RAB3A: variants seen among roughly 807,000 people sequenced by gnomAD.
The protein encoded by RAB3A is ras-related protein Rab-3A.
A neutral mutation model predicts 19.7 loss-of-function variants in RAB3A; 5 were observed. That is an observed-to-expected ratio of 0.25 (90% CI 0.13 to 0.53). The LOEUF (loss-of-function observed/expected upper bound fraction) is 0.53, where lower values mean the gene tolerates loss of function less well. Among genes scored for constraint, RAB3A ranks in the 20% least tolerant of loss-of-function variants. The pLI, the probability that RAB3A is intolerant of heterozygous loss-of-function variation, is 0.95. For missense variants in RAB3A, 189 were observed against 305.6 expected (o/e 0.62, Z 2.85); for synonymous variants, 119 against 122.1 (o/e 0.97, Z 0.17).
Position 18,200,318 on chromosome 19 carries a change from T to A in RAB3A, c.347+9A>T. ...AAAGAAAAAAAAAGAGCAAGTGGGG[T>A]ACACTCACCAGTCCTGCACTGCATT... On this transcript the variant is annotated intron_variant, in intron 3 of 4. Transcript: ENST00000222256. 6.3e-7 allele frequency: 1 copy of A among 1,580,610 alleles called. No homozygotes were observed. The highest frequency in any genetic ancestry group is 1.1e-5 in the South Asian group (1 of 87,086).
chr19:18,200,484 A>G (rs2147982286), intron 2 of RAB3A, 39 bp from the exon 3 acceptor site: 3 of 1,506,896 alleles, frequency 2.0e-6, no homozygotes, highest in Non-Finnish European at 2.7e-6. Context: ...GGACCTGCAC[A>G]TAAGGCCCTC....
At position 18,198,768 on chromosome 19, in the gene RAB3A, C is replaced by T. The variant is rs1400971421; in HGVS notation, c.429G>A (p.Arg143=). ...VGNKCDMEDE[R]VVSSERGRQL... The stretch of plus-strand genomic sequence containing the variant: ...GCCGGCCACGTTCTGATGACACCAC[C>T]CGCTCATCCTCCATGTCACACTTGT... The change falls in exon 4 of 5, where the codon CGG becomes CGA. Residue 143 remains arginine, a synonymous_variant. Coordinates refer to ENST00000222256, the MANE Select transcript of RAB3A (RefSeq NM_002866.5). The T allele has an allele frequency of 6.2e-7, 1 of 1,614,178 alleles. No homozygotes were observed. Among genetic ancestry groups the T allele is most frequent in the Admixed American group, 1.7e-5 (1 of 60,028 alleles).
In RAB3A at chr19:18,197,586, T is replaced by C; in HGVS notation, c.547A>G (p.Ile183Val). Residue 183 changes from isoleucine (I) to valine (V), a missense_variant, in exon 5 of 5, where the codon ATC becomes GTC. Ile to Val is a conservative substitution (Grantham distance 29). Transcript: ENST00000222256. Reference sequence around the variant, plus strand: ...AACGACTCGGACATCTTCTCGCAGATGACATCCACCAGGCGCTCAAAGGTC... The same window carrying C: ...AACGACTCGGACATCTTCTCGCAGACGACATCCACCAGGCGCTCAAAGGTC... ...KQTFERLVDV[I>V]CEKMSESLDT... 6.2e-7 allele frequency: 1 copy of C among 1,614,070 alleles called. No individual in the cohort carries two copies. The highest frequency in any genetic ancestry group is 1.1e-5 in the South Asian group (1 of 91,080).
At chr19:18,197,733 G>T in intron 4 of RAB3A, 73 bp from the exon 5 acceptor site, 1 of 1,328,260 alleles carries the variant, frequency 7.5e-7, no homozygotes. Context: ...CTTCTCTGAG[G>T]AAAGGGAACA....
rs1326785774 is a variant in RAB3A, at chr19:18,197,211, C to T, written c.*259G>A. 4.0e-5 allele frequency: 16 copies of T among 402,226 alleles called. No individual in the cohort carries two copies. Among genetic ancestry groups the T allele is most frequent in the Admixed American group, 3.2e-4 (7 of 22,050 alleles). 24.9% of individuals were successfully genotyped at this position (402,226 alleles called of 1,614,324 possible). A position where few individuals can be genotyped will look rare whatever the true frequency, so the allele number is the denominator to read the frequency against. On this transcript the variant is annotated 3_prime_UTR_variant, in exon 5 of 5. Transcript: ENST00000222256. The stretch of plus-strand genomic sequence containing the variant: ...TTCAGGAGGGTGAGCGGTGAGTTCA[C>T]GGGGCCACGAGACACCACAGCTGAG...
intron 2 of RAB3A, among the ~76,000 whole-genome samples, chr19:18,200,718 T>C (rs1967596970): frequency 6.6e-6 from 1 of 152,128 alleles, no homozygotes; most frequent in Admixed American, 6.6e-5. Context: ...GCAGGTGGCT[T>C]GAACCCAGGA....
At chr19:18,200,574 G>A (rs1427450458) in intron 2 of RAB3A, 129 bp from the exon 3 acceptor site, 1 of 703,144 alleles carries the variant, frequency 1.4e-6, no homozygotes, top group African/African-American at 1.8e-5. Flanking sequence ...CAAAGTGTCA[G>A]GAAGAGCAGG....
At chr19:18,198,065 T>C (rs1282315283) in intron 4 of RAB3A, among the ~76,000 whole-genome samples, 1 of 151,766 alleles carries the variant, frequency 6.6e-6, no homozygotes, top group African/African-American at 2.4e-5. Context: ...TTCCTAAAAT[T>C]GTGTCTCGTT....
In RAB3A at chr19:18,202,406, T is replaced by G; in HGVS notation, c.228+107A>C. The G allele has an allele frequency of 9.9e-7, 1 of 1,008,680 alleles. No individual in the cohort carries two copies. The highest frequency in any genetic ancestry group is 1.5e-6 in the Non-Finnish European group (1 of 660,428). 62.5% of individuals were successfully genotyped at this position (1,008,680 alleles called of 1,614,324 possible). A position where few individuals can be genotyped will look rare whatever the true frequency, so the allele number is the denominator to read the frequency against. ...GCACCTTACTGATAAATGCCCAGTGTGTAAGTGAATGACTCCAGTCAGGAA... is the reference window on the plus strand; with the variant it reads ...GCACCTTACTGATAAATGCCCAGTGGGTAAGTGAATGACTCCAGTCAGGAA... On this transcript the variant is annotated intron_variant, in intron 2 of 4. Transcript: ENST00000222256. The surrounding 1 kb of genome is among the most constrained non-coding windows in gnomAD (Gnocchi z 4.2).
At chr19:18,203,112 C>T (rs2147984158) in intron 1 of RAB3A, among the ~76,000 whole-genome samples, 1 of 152,300 alleles carries the variant, frequency 6.6e-6, no homozygotes, top group South Asian at 2.1e-4. Flanking sequence ...CCGCGCGGCC[C>T]CACGTGCACC....
Position 18,202,700 on chromosome 19 carries a change from G to A in RAB3A, c.41C>T (p.Ser14Phe). 6.2e-7 allele frequency: 1 copy of A among 1,614,148 alleles called. No homozygotes were observed. The highest frequency in any genetic ancestry group is 1.1e-5 in the South Asian group (1 of 91,076). The change falls in exon 2 of 5, where the codon TCC becomes TTC. Residue 14 changes from serine (S) to phenylalanine (F), a missense_variant. Physicochemically the swap from Ser to Phe is radical, Grantham distance 155. Transcript: ENST00000222256. This position sits in a 1 kb window ranked among gnomAD's most constrained non-coding sequence, Gnocchi z 4.2. The part of the protein sequence containing the change: ...ATDSRYGQKE[S>F]SDQNFDYMFK... ...CATGTAGTCGAAGTTCTGATCCGAG[G>A]ACTCCTTCTGCCCATAGCGCGAGTC...
At chr19:18,199,131 G>T (rs1379345853) in intron 3 of RAB3A, among the ~76,000 whole-genome samples, 1 of 151,916 alleles carries the variant, frequency 6.6e-6, no homozygotes, top group Non-Finnish European at 1.5e-5. Context: ...CAAAGTACTG[G>T]AATTACAGGC....
chr19:18,200,276 C>G (rs1225471228), intron 3 of RAB3A, 51 bp downstream of exon 3: 1 of 1,462,046 alleles, frequency 6.8e-7, no homozygotes, highest in Middle Eastern at 1.8e-4. Context: ...GAATAAAACC[C>G]TCTCTCAAAG....
chr19:18,202,572 T>C lies in RAB3A; in HGVS notation c.169A>G (p.Ile57Val). Residue 57 changes from isoleucine (I) to valine (V), a missense_variant, in exon 2 of 5, where the codon ATC (isoleucine) becomes GTC (valine). Physicochemically the swap from Ile to Val is conservative, Grantham distance 29. Transcript: ENST00000222256. The surrounding 1 kb of genome is among the most constrained non-coding windows in gnomAD (Gnocchi z 4.2). ...FTPAFVSTVG[I>V]DFKVKTIYRN... ...TAGATGGTCTTGACCTTGAAGTCGA[T>C]GCCCACGGTGCTGACGAAGGCAGGC... is the stretch of plus-strand genomic sequence containing the variant. 6.2e-7 allele frequency: 1 copy of C among 1,614,190 alleles called. No individual in the cohort carries two copies.
rs942182494 is a variant in RAB3A at position 18,196,989 on chromosome 19, G to T, written c.*481C>A. On this transcript the variant is annotated 3_prime_UTR_variant, in exon 5 of 5. Transcript: ENST00000222256. ...GAAAACGGGGAGAGGAGCCTGGCAG[G>T]CCAGACTCTGATCCCCATGGTCCAC... 9.5e-5 allele frequency: 16 copies of T among 169,280 alleles called. No homozygotes were observed. The highest frequency in any genetic ancestry group is 1.8e-4 in the Non-Finnish European group (14 of 77,898). 10.5% of individuals were successfully genotyped at this position (169,280 alleles called of 1,614,324 possible). A position where few individuals can be genotyped will look rare whatever the true frequency, so the allele number is the denominator to read the frequency against.
At chr19:18,203,209 A>C (rs946133194) in intron 1 of RAB3A, among the ~76,000 whole-genome samples, 2 of 152,230 alleles carry the variant, frequency 1.3e-5, no homozygotes, top group African/African-American at 4.8e-5. Flanking sequence ...AGGCCGCTGC[A>C]TCACATGATA....
At chr19:18,201,828 G>A (rs1967617154) in intron 2 of RAB3A, among the ~76,000 whole-genome samples, 1 of 152,166 alleles carries the variant, frequency 6.6e-6, no homozygotes. Flanking sequence ...AAAAATTAAA[G>A]GAAGCTGACA....
chr19:18,201,877 G>A (rs1301355909), intron 2 of RAB3A, among the ~76,000 whole-genome samples: 1 of 152,154 alleles, frequency 6.6e-6, no homozygotes, highest in Non-Finnish European at 1.5e-5. Flanking sequence ...GCTGAGGCGG[G>A]AGGATTGCTT....
chr19:18,199,394 A>G (rs1166491040), intron 3 of RAB3A, among the ~76,000 whole-genome samples: 2 of 152,014 alleles, frequency 1.3e-5, no homozygotes, highest in South Asian at 2.1e-4. Flanking sequence ...TGAGCTCAAG[A>G]TCTACCCACC....
Sources: gnomAD v4.1 joint callset for allele counts (sites outside exome capture counted in the v4.1 genomes callset) on GRCh38, gnomAD v4.1.1 for gene constraint, Gnocchi (gnomAD v3.1) non-coding constraint, MANE v1.5 for transcripts, NCBI Gene and HGNC (gene_info 2026-07-23, HGNC 2026-07-21) for gene names.